PPP2R2B: variants seen among roughly 807,000 people sequenced by gnomAD.
PPP2R2B encodes protein phosphatase 2 regulatory subunit Bbeta.
PPP2R2B carries 5 observed loss-of-function variants against 46.0 expected under a neutral mutation model. That is an observed-to-expected ratio of 0.11 (90% CI 0.06 to 0.23). The LOEUF is 0.23. Ranked by LOEUF, PPP2R2B falls within the 10% of genes least tolerant of loss-of-function variation. The pLI is 1.00. For synonymous variants in PPP2R2B, 215 were observed against 206.7 expected, an observed-to-expected ratio of 1.04 and a Z score of -0.34; for missense variants, 367 against 575.0, an observed-to-expected ratio of 0.64 and a Z score of 3.70.
chr5:146,912,298 T>A (rs149367325), intron 1 of PPP2R2B, among the ~76,000 whole-genome samples: 1,406 of 137,342 alleles, frequency 0.01, 17 homozygotes, highest in African/African-American at 0.037. Context: ...CTAAAGAGAG[T>A]GACCTTATCA....
rs114620810 is a variant in PPP2R2B at position 146,599,076 on chromosome 5, A to G, written c.960+1215T>C. 3.3e-3 allele frequency among the ~76,000 whole-genome samples: 498 copies of G among 152,282 alleles called. 4 individuals are homozygous for G. The highest frequency in any genetic ancestry group is 0.012 in the African/African-American group (480 of 41,546). ...AAATAGCTTAAAATAGGGTTAGTTT[A>G]TCTCCAGCACTTGATCTTTGCTTTC... On this transcript the variant is annotated intron_variant, in intron 8 of 9. Transcript: ENST00000394411.
rs373562409 is a variant in PPP2R2B at position 146,907,889 on chromosome 5, T to C, written c.79+147776A>G. 2.6e-4 allele frequency among the ~76,000 whole-genome samples: 40 copies of C among 152,282 alleles called. 1 individual carries two copies. In the South Asian group the frequency reaches 7.7e-3, roughly 29 times the overall value. ...TCCATAGTATGCAGTGGTTTGTTAG[T>C]CTTTCAAACTGGCTGATCAAATGTT... On this transcript the variant is annotated intron_variant, in intron 1 of 8. Transcript: ENST00000336640.
rs2150991831 is a variant in PPP2R2B, at chr5:146,587,347, C to CTA, written c.*2599_*2600insTA. The CTA allele has an allele frequency of 6.6e-6, 1 of 152,324 alleles. No individual in the cohort carries two copies. The highest frequency in any genetic ancestry group is 2.1e-4 in the South Asian group (1 of 4,822). The allele number at this position is 152,324 out of a possible 1,614,324, so 9.4% of individuals were successfully genotyped here. A position where few individuals can be genotyped will look rare whatever the true frequency, so the allele number is the denominator to read the frequency against. On this transcript the variant is annotated 3_prime_UTR_variant, in exon 10 of 10. Transcript: ENST00000394411. ...CCCGTCCAGGAGTCTTGGGTGTTTG[C>CTA]TCTAATGCATCCTTTGCAGGGGATG...
intron 1 of PPP2R2B, among the ~76,000 whole-genome samples, chr5:146,940,808 T>C (rs1418395014): frequency 6.6e-6 from 1 of 152,192 alleles, no homozygotes; most frequent in Non-Finnish European, 1.5e-5. Context: ...TTCTCTATCA[T>C]ATGAGCATCC....
chr5:146,990,563 T>A (rs547035238), intron 1 of PPP2R2B, among the ~76,000 whole-genome samples: 9 of 152,110 alleles, frequency 5.9e-5, no homozygotes, highest in Admixed American at 2.6e-4. Context: ...TAAACAAAAA[T>A]GAACTCTAAA....
At position 146,925,732 on chromosome 5, in the gene PPP2R2B, T is replaced by C. The variant is rs147328655; in HGVS notation, c.79+129933A>G. 1.7e-3 allele frequency among the ~76,000 whole-genome samples: 254 copies of C among 152,308 alleles called. 1 individual carries two copies. Among genetic ancestry groups the C allele is most frequent in the African/African-American group, 5.6e-3 (234 of 41,580 alleles). Reference sequence around the variant, plus strand: ...CCATTATTTTTTCAAATAGGTTTTCTGTCCCTTTCTCTTCTCTCCTTCCGA... The same window carrying C: ...CCATTATTTTTTCAAATAGGTTTTCCGTCCCTTTCTCTTCTCTCCTTCCGA... On this transcript the variant is annotated intron_variant, in intron 1 of 8. Transcript: ENST00000336640.
chr5:146,956,562 C>G (rs1489238589), intron 1 of PPP2R2B, among the ~76,000 whole-genome samples: 1 of 152,212 alleles, frequency 6.6e-6, no homozygotes, highest in Non-Finnish European at 1.5e-5. Context: ...AGAGTACGCT[C>G]CATCTCTTTC....
chr5:146,975,980 T>C (rs1046914263), intron 1 of PPP2R2B, among the ~76,000 whole-genome samples: 3 of 151,962 alleles, frequency 2.0e-5, no homozygotes, highest in African/African-American at 7.2e-5. Flanking sequence ...AATTTTGAAG[T>C]CATCCAATTT....
upstream of PPP2R2B, chr5:147,056,056 A>T: frequency 5.3e-6 from 6 of 1,141,432 alleles, no homozygotes; most frequent in Non-Finnish European, 6.5e-6. Flanking sequence ...CTGTAAACAC[A>T]CGCTGAAATG....
At chr5:146,781,923 G>A (rs1211452095) in intron 2 of PPP2R2B, among the ~76,000 whole-genome samples, 1 of 152,196 alleles carries the variant, frequency 6.6e-6, no homozygotes, top group Non-Finnish European at 1.5e-5. Context: ...TAAAGTTGGA[G>A]GTGGGGCCTG....
intron 2 of PPP2R2B, among the ~76,000 whole-genome samples, chr5:146,768,964 G>C (rs1029625197): frequency 6.7e-6 from 1 of 150,040 alleles, no homozygotes; most frequent in African/African-American, 2.5e-5. Context: ...TTTAACCTCT[G>C]CTTCTCAGGT....
chr5:146,710,256 A>T (rs1342490009), intron 2 of PPP2R2B, among the ~76,000 whole-genome samples: 1 of 152,164 alleles, frequency 6.6e-6, no homozygotes, highest in Non-Finnish European at 1.5e-5. Flanking sequence ...CCCTGCTAAT[A>T]TGCAGGAAGC....
intron 2 of PPP2R2B, among the ~76,000 whole-genome samples, chr5:146,830,744 T>C (rs1758877117): frequency 6.6e-6 from 1 of 152,156 alleles, no homozygotes; most frequent in Non-Finnish European, 1.5e-5. Context: ...AGTGCTAGGA[T>C]TGCAGGTGTG....
intron 5 of PPP2R2B, among the ~76,000 whole-genome samples, chr5:146,681,181 A>G (rs1245683693): frequency 6.6e-6 from 1 of 152,254 alleles, no homozygotes; most frequent in Non-Finnish European, 1.5e-5. Context: ...ATCCTAATGC[A>G]TAATGAGCAG....
At chr5:146,924,256 A>G (rs1763706518) in intron 1 of PPP2R2B, among the ~76,000 whole-genome samples, 1 of 152,246 alleles carries the variant, frequency 6.6e-6, no homozygotes, top group Non-Finnish European at 1.5e-5. Context: ...CTACTTAGAT[A>G]ATGATGTTCT....
At chr5:146,738,814 C>T (rs60367248) in intron 2 of PPP2R2B, among the ~76,000 whole-genome samples, 3,087 of 152,168 alleles carry the variant, frequency 0.02, 101 homozygotes, top group African/African-American at 0.068. Context: ...ACTAATTATA[C>T]TGAGGGTTTT....
At chr5:147,058,216 T>C (rs1314407622), upstream of PPP2R2B, among the ~76,000 whole-genome samples, 1 of 152,208 alleles carries the variant, frequency 6.6e-6, no homozygotes, top group African/African-American at 2.4e-5. Context: ...GAAGATATTT[T>C]ATACTTTTTA....
At chr5:146,992,443 G>A (rs2151862628) in intron 1 of PPP2R2B, among the ~76,000 whole-genome samples, 1 of 152,298 alleles carries the variant, frequency 6.6e-6, no homozygotes, top group South Asian at 2.1e-4. Context: ...ATACCTCTTT[G>A]TATGGAAGGA....
intron 1 of PPP2R2B, among the ~76,000 whole-genome samples, chr5:146,969,745 A>G (rs1005743959): frequency 6.6e-6 from 1 of 152,230 alleles, no homozygotes; most frequent in Non-Finnish European, 1.5e-5. Flanking sequence ...GCTGAGGGAA[A>G]CAAAGTCAAG....
Sources: gnomAD v4.1 joint callset for allele counts (sites outside exome capture counted in the v4.1 genomes callset) on GRCh38, gnomAD v4.1.1 for gene constraint, MANE v1.5 for transcripts, NCBI Gene and HGNC (gene_info 2026-07-23, HGNC 2026-07-21) for gene names.